The following HECTD4 variants were observed in gnomAD, a reference collection of about 807,000 sequenced individuals.
The protein encoded by HECTD4 is probable E3 ubiquitin-protein ligase HECTD4.
A neutral mutation model predicts 471.5 loss-of-function variants in HECTD4; 114 were observed. The ratio of observed to expected loss-of-function variants is 0.24; its 90% confidence interval spans 0.21 to 0.28. The LOEUF is 0.28. Among genes scored for constraint, HECTD4 ranks in the 10% least tolerant of loss-of-function variants. The probability of loss-of-function intolerance (pLI) is 1.00; values close to 1 mark genes in which losing one functional copy is unlikely to be tolerated. For synonymous variants in HECTD4, 2,012 were observed against 2,256.0 expected (o/e 0.89, Z 3.07); for missense variants, 3,866 against 5,651.5 (o/e 0.68, Z 10.13).
At position 112,184,574 on chromosome 12, in the gene HECTD4, G is replaced by A. The variant is rs761431860; in HGVS notation, c.10392C>T (p.Pro3464=). The change falls in exon 61 of 76, where the codon CCC becomes CCT. Residue 3464 remains proline, a synonymous_variant. Transcript: ENST00000682272. This position sits in a 1 kb window ranked among gnomAD's most constrained non-coding sequence, Gnocchi z 9.1. ...KVEPEKTLAF[P]GTDSMEVSTS... is the part of the protein sequence containing the mutation. Reference sequence around the variant, plus strand: ...TGCTGACCTCCATGCTGTCTGTGCCGGGGAAGGCCAGTGTCTTCTCGGGCT... The same window carrying A: ...TGCTGACCTCCATGCTGTCTGTGCCAGGGAAGGCCAGTGTCTTCTCGGGCT... 5 of 1,613,654 alleles carry A rather than the reference G, an allele frequency of 3.1e-6. No homozygotes were observed. The highest frequency in any genetic ancestry group is 2.2e-5 in the East Asian group (1 of 44,880).
rs775145453 is a variant in HECTD4, at chr12:112,258,547, C to G, written c.3077G>C (p.Cys1026Ser). Residue 1026 changes from cysteine to serine, a missense_variant, in exon 20 of 76, where the codon TGT becomes TCT. By Grantham distance (112) the Cys-to-Ser change is moderately radical (BLOSUM62 -1). Around this residue, in one of 16 missense-constraint regions of HECTD4, gnomAD observed 525 missense variants for 672.6 expected, o/e 0.78. Coordinates refer to ENST00000682272, the MANE Select transcript of HECTD4 (RefSeq NM_001388303.1). Reference protein sequence around the residue: ...TQCPVFAEVGCSPCGAPDQKC... With the variant: ...TQCPVFAEVGSSPCGAPDQKC... Reference sequence around the variant, plus strand: ...CTGGTCTGGTGCACCACACGGGGAACAGCCCACCTCAGCAAAAACCGGACA... The same window carrying G: ...CTGGTCTGGTGCACCACACGGGGAAGAGCCCACCTCAGCAAAAACCGGACA... The G allele has an allele frequency of 3.7e-6, 6 of 1,605,906 alleles. No homozygotes were observed. Among genetic ancestry groups the G allele is most frequent in the Middle Eastern group, 1.7e-4 (1 of 6,058 alleles).
intron 23 of HECTD4, 130 bp downstream of exon 23, chr12:112,252,294 T>C (rs1392684973): frequency 1.1e-6 from 1 of 894,734 alleles, no homozygotes; most frequent in Non-Finnish European, 1.6e-6. Flanking sequence ...AGTTGACTAG[T>C]GCCAACTAGA....
chr12:112,224,191 G>C (rs1014456087), intron 44 of HECTD4, among the ~76,000 whole-genome samples: 1 of 152,048 alleles, frequency 6.6e-6, no homozygotes, highest in East Asian at 1.9e-4. Context: ...AACTGACATA[G>C]GAGTCAGTAA....
chr12:112,191,924 T>C (rs998066716), intron 59 of HECTD4, among the ~76,000 whole-genome samples: 5 of 152,216 alleles, frequency 3.3e-5, no homozygotes, highest in African/African-American at 1.2e-4. Flanking sequence ...AGTCTTTTCC[T>C]GTCAAGCATG....
At position 112,167,507 on chromosome 12, in the gene HECTD4, G is replaced by T; in HGVS notation, c.12344C>A (p.Thr4115Asn). The change falls in exon 72 of 76, where the codon ACC (threonine) becomes AAC (asparagine). Residue 4115 changes from threonine (T) to asparagine (N), a missense_variant. Transcript: ENST00000682272. ...GTGCAGCAGCTGCTCCTCCCCGTAG[G>T]TGATGGGGCTCGGGGTCAGGATATA... is the stretch of plus-strand genomic sequence containing the variant. ...GKYILTPSPITYGEEQLLHFL... is the reference protein window; with the variant it reads ...GKYILTPSPINYGEEQLLHFL... 6.2e-7 allele frequency: 1 copy of T among 1,607,254 alleles called. No homozygotes were observed.
intron 35 of HECTD4, among the ~76,000 whole-genome samples, chr12:112,236,601 C>T (rs1401210661): frequency 6.6e-6 from 1 of 152,080 alleles, no homozygotes; most frequent in Non-Finnish European, 1.5e-5. Flanking sequence ...AATTACAGGC[C>T]CTGACTCATT....
At position 112,212,539 on chromosome 12, in the gene HECTD4, T is replaced by A. The variant is rs1436185340; in HGVS notation, c.7577A>T (p.Tyr2526Phe). Residue 2526 changes from tyrosine to phenylalanine, a missense_variant, in exon 49 of 76, where the codon TAT (tyrosine) becomes TTT (phenylalanine). Coordinates refer to ENST00000682272, the MANE Select transcript of HECTD4 (RefSeq NM_001388303.1). Reference protein sequence around the residue: ...FTYCGQRLSPYLEDVSGGMWP... With the variant: ...FTYCGQRLSPFLEDVSGGMWP... Reference sequence around the variant, plus strand: ...CATGCCACCAGAGACGTCTTCAAGATATGGTGAGAGGCGCTGCCCGCAGTA... The same window carrying A: ...CATGCCACCAGAGACGTCTTCAAGAAATGGTGAGAGGCGCTGCCCGCAGTA... 2 of 1,613,738 alleles carry A rather than the reference T, an allele frequency of 1.2e-6. No homozygotes were observed.
At position 112,216,815 on chromosome 12, in the gene HECTD4, T is replaced by G; in HGVS notation, c.7343A>C (p.Asp2448Ala). The G allele has an allele frequency of 1.4e-5, 23 of 1,614,002 alleles. No individual in the cohort carries two copies. The highest frequency in any genetic ancestry group is 1.9e-5 in the Non-Finnish European group (23 of 1,179,892). The stretch of plus-strand genomic sequence containing the variant: ...GCCCACTGGATTAGTCCAAGCCCCA[T>G]CTCGCTTCTCTGCTTCTGTAGTGAA... Reference protein sequence around the residue: ...FGFTTEAEKRDGAWTNPVGTC... With the variant: ...FGFTTEAEKRAGAWTNPVGTC... The change falls in exon 47 of 76, where the codon GAT (aspartate) becomes GCT (alanine). Residue 2448 changes from aspartate to alanine, a missense_variant. By Grantham distance (126) the Asp-to-Ala change is moderately radical. This residue lies in a region of HECTD4 where 617 missense variants were observed against 915.1 expected (regional missense o/e 0.67). Coordinates refer to ENST00000682272, the MANE Select transcript of HECTD4 (RefSeq NM_001388303.1).
chr12:112,263,789 T>A (rs773234120), intron 17 of HECTD4, among the ~76,000 whole-genome samples: 3 of 151,376 alleles, frequency 2.0e-5, no homozygotes, highest in Non-Finnish European at 4.4e-5. Flanking sequence ...AACTTTCAGG[T>A]ACACATGAGA....
intron 68 of HECTD4, chr12:112,170,692 G>A: frequency 3.8e-6 from 2 of 520,426 alleles, no homozygotes; most frequent in Admixed American, 3.3e-5. Flanking sequence ...AAAATGGAAT[G>A]TAGAAAATGA....
chr12:112,261,601 C>A (rs1355915259), intron 17 of HECTD4, 172 bp from the exon 18 acceptor site: 1 of 609,994 alleles, frequency 1.6e-6, no homozygotes, highest in East Asian at 3.0e-5. Flanking sequence ...CCAGAATAAG[C>A]CCAAAGCAGT....
Position 112,195,213 on chromosome 12 carries a change from G to C in HECTD4, c.8568-147C>G, listed in dbSNP as rs556584778. The C allele has an allele frequency of 2.3e-4, 144 of 628,136 alleles. No homozygotes were observed. The African/African-American group carries it at 2.3e-3, about 10-fold the overall frequency. The allele number at this position is 628,136 out of a possible 1,614,324, so 38.9% of individuals were successfully genotyped here. On this transcript the variant is annotated intron_variant, in intron 55 of 75. Coordinates refer to ENST00000682272, the MANE Select transcript of HECTD4 (RefSeq NM_001388303.1). Reference sequence around the variant, plus strand: ...TCCAAACCCTAAAGGAGTCACTTGAGTTTTAAACAAAAGTCACATTAAGTT... The same window carrying C: ...TCCAAACCCTAAAGGAGTCACTTGACTTTTAAACAAAAGTCACATTAAGTT...
chr12:112,233,927 A>G (rs1293681613), intron 37 of HECTD4, among the ~76,000 whole-genome samples: 2 of 152,198 alleles, frequency 1.3e-5, no homozygotes, highest in Non-Finnish European at 2.9e-5. Flanking sequence ...CACCTTGACA[A>G]TAAAGGGTAT....
At position 112,243,792 on chromosome 12, in the gene HECTD4, C is replaced by G. The variant is rs766055916; in HGVS notation, c.4650-31G>C. On this transcript the variant is annotated intron_variant, in intron 30 of 75. Transcript: ENST00000682272. This position sits in a 1 kb window ranked among gnomAD's most constrained non-coding sequence, Gnocchi z 6.6. ...GGGAACACAGAACAGACTGGCAAGA[C>G]GAGAAACACACTCAGGGAGCTTGTT... The G allele has an allele frequency of 3.1e-6, 5 of 1,609,250 alleles. No homozygotes were observed. Among genetic ancestry groups the G allele is most frequent in the South Asian group, 1.1e-5 (1 of 90,796 alleles).
chr12:112,213,722 T>TATATA lies in HECTD4; in HGVS notation c.7466-1077_7466-1073dup, dbSNP rs1566074705. ...TACATATATATATATATATATATAA[T>TATATA]ATATATATAAAATTTAAGGCCAGAC... On this transcript the variant is annotated intron_variant, in intron 48 of 75. Transcript: ENST00000682272. The surrounding 1 kb of genome is among the most constrained non-coding windows in gnomAD (Gnocchi z 4.0). Among the ~76,000 whole-genome samples the TATATA allele has an allele frequency of 1.5e-5, 2 of 135,160 alleles. No individual in the cohort carries two copies. Among genetic ancestry groups the TATATA allele is most frequent in the Non-Finnish European group, 3.0e-5 (2 of 65,880 alleles). The allele number at this position is 135,160 out of a possible 152,430, so 88.7% of individuals were successfully genotyped here. A position where few individuals can be genotyped will look rare whatever the true frequency, so the allele number is the denominator to read the frequency against.
At chr12:112,337,627 A>G (rs888523838) in intron 1 of HECTD4, among the ~76,000 whole-genome samples, 2 of 152,246 alleles carry the variant, frequency 1.3e-5, no homozygotes, top group Non-Finnish European at 2.9e-5. Context: ...TGGTTGATGG[A>G]TGAGGCAAGT....
intron 39 of HECTD4, 66 bp from the exon 40 acceptor site, chr12:112,230,888 T>G: frequency 6.7e-7 from 1 of 1,490,030 alleles, no homozygotes; most frequent in Non-Finnish European, 9.1e-7. Context: ...GAAGTGGCTT[T>G]CAGGGTTAGC....
chr12:112,330,228 G>C (rs1234809839), intron 1 of HECTD4, among the ~76,000 whole-genome samples: 1 of 150,538 alleles, frequency 6.6e-6, no homozygotes, highest in Non-Finnish European at 1.5e-5. Flanking sequence ...AGTGAGCTGA[G>C]ATCGCACCAC....
At chr12:112,175,656 C>T in intron 66 of HECTD4, 80 bp downstream of exon 66, 2 of 1,488,920 alleles carry the variant, frequency 1.3e-6, no homozygotes, top group Non-Finnish European at 1.8e-6. Flanking sequence ...GGAGACGGAT[C>T]AGCTCCTCAG....
Sources: gnomAD v4.1 joint callset for allele counts (sites outside exome capture counted in the v4.1 genomes callset) on GRCh38, gnomAD v4.1.1 for gene constraint, gnomAD v4.1.1 regional missense constraint, Gnocchi (gnomAD v3.1) non-coding constraint, MANE v1.5 for transcripts, NCBI Gene and HGNC (gene_info 2026-07-23, HGNC 2026-07-21) for gene names.